The following SPIDR variants were observed in gnomAD, a reference collection of about 807,000 sequenced individuals.
SPIDR encodes the protein scaffold protein involved in DNA repair, also known as DNA repair-scaffolding protein.
SPIDR carries 93 observed loss-of-function variants against 104.6 expected under a neutral mutation model. The ratio of observed to expected loss-of-function variants is 0.89; its 90% CI spans 0.75 to 1.06. The LOEUF is 1.06. Among genes scored for constraint, SPIDR ranks in the 50% least tolerant of loss-of-function variants. The pLI is 0.00. For missense variants in SPIDR, 1,154 were observed against 1,111.2 expected (o/e 1.04, Z -0.55); for synonymous variants, 431 against 416.9 (o/e 1.03, Z -0.41).
chr8:47,408,313 C>CT (rs2063035540), intron 7 of SPIDR, among the ~76,000 whole-genome samples: 1 of 152,098 alleles, frequency 6.6e-6, no homozygotes, highest in African/African-American at 2.4e-5. Context: ...GTTGCCCAGG[C>CT]TGGAGTGTAG....
intron 8 of SPIDR, among the ~76,000 whole-genome samples, chr8:47,450,857 C>A (rs1389726070): frequency 1.3e-5 from 2 of 152,178 alleles, no homozygotes; most frequent in Admixed American, 6.5e-5. Flanking sequence ...TGAACACTTA[C>A]AGCAAATATT....
At chr8:47,365,225 C>T (rs1416583288) in intron 5 of SPIDR, among the ~76,000 whole-genome samples, 1 of 152,198 alleles carries the variant, frequency 6.6e-6, no homozygotes, top group Non-Finnish European at 1.5e-5. Flanking sequence ...TCCCTGGCCA[C>T]CTTCCACATT....
intron 3 of SPIDR, among the ~76,000 whole-genome samples, chr8:47,287,790 C>A (rs2039145937): frequency 6.6e-6 from 1 of 152,140 alleles, no homozygotes; most frequent in East Asian, 1.9e-4. Context: ...TGTTCAAACA[C>A]ACATTTTACA....
intron 7 of SPIDR, among the ~76,000 whole-genome samples, chr8:47,434,128 G>A (rs782195434): frequency 6.6e-6 from 1 of 152,186 alleles, no homozygotes; most frequent in Non-Finnish European, 1.5e-5. Context: ...ATATAGCATG[G>A]TAGTTTGGAG....
intron 10 of SPIDR, among the ~76,000 whole-genome samples, chr8:47,630,132 A>G (rs896552108): frequency 1.3e-5 from 2 of 152,248 alleles, no homozygotes; most frequent in Admixed American, 1.3e-4. Context: ...TGTCTCAAAT[A>G]TGTTAAATTA....
At chr8:47,341,481 T>C (rs1338335792) in intron 5 of SPIDR, among the ~76,000 whole-genome samples, 4 of 152,184 alleles carry the variant, frequency 2.6e-5, no homozygotes, top group African/African-American at 4.8e-5. Flanking sequence ...AACTAAAAAG[T>C]ATTCCACACA....
intron 8 of SPIDR, among the ~76,000 whole-genome samples, chr8:47,561,735 T>C (rs2057105686): frequency 6.6e-6 from 1 of 152,148 alleles, no homozygotes; most frequent in Non-Finnish European, 1.5e-5. Context: ...TTGTACCATC[T>C]CTCCCACTAG....
chr8:47,418,828 A>AG (rs1367828971), intron 7 of SPIDR, among the ~76,000 whole-genome samples: 2 of 152,142 alleles, frequency 1.3e-5, no homozygotes, highest in Non-Finnish European at 2.9e-5. Context: ...TCTAGCATGA[A>AG]GGTTGTTGAA....
chr8:47,481,684 G>A (rs2076918913), intron 8 of SPIDR, among the ~76,000 whole-genome samples: 1 of 152,148 alleles, frequency 6.6e-6, no homozygotes, highest in Admixed American at 6.5e-5. Context: ...GGAAAAAAAA[G>A]AACTTGGAGG....
At chr8:47,364,622 T>G (rs1473558484) in intron 5 of SPIDR, among the ~76,000 whole-genome samples, 6 of 152,202 alleles carry the variant, frequency 3.9e-5, no homozygotes, top group Admixed American at 3.3e-4. Flanking sequence ...TTGGAATATA[T>G]CCAATGTTCA....
chr8:47,532,093 T>C (rs576761316), intron 8 of SPIDR, among the ~76,000 whole-genome samples: 1 of 129,042 alleles, frequency 7.7e-6, no homozygotes, highest in South Asian at 2.6e-4. Context: ...TTTGAGACAG[T>C]GTTTGGTTAT....
At chr8:47,338,118 T>G (rs1554611032) in intron 5 of SPIDR, among the ~76,000 whole-genome samples, 1 of 152,224 alleles carries the variant, frequency 6.6e-6, no homozygotes, top group Non-Finnish European at 1.5e-5. Flanking sequence ...TCTGTACTCT[T>G]ATCCCCAGCC....
chr8:47,587,960 A>G (rs2060451442), intron 8 of SPIDR, among the ~76,000 whole-genome samples: 1 of 140,610 alleles, frequency 7.1e-6, no homozygotes, highest in Non-Finnish European at 1.5e-5. Flanking sequence ...CCTTTACTTC[A>G]TTCTTTTTCA....
At chr8:47,640,231 T>C (rs1378997095) in intron 10 of SPIDR, among the ~76,000 whole-genome samples, 1 of 152,218 alleles carries the variant, frequency 6.6e-6, no homozygotes, top group Admixed American at 6.5e-5. Context: ...TTATGCCTGC[T>C]GGCAGAAGTA....
intron 10 of SPIDR, among the ~76,000 whole-genome samples, chr8:47,618,542 T>TTATACACGAAGGAGATAAACAATTGTG (rs2064674808): frequency 6.6e-6 from 1 of 152,178 alleles, no homozygotes; most frequent in African/African-American, 2.4e-5. Flanking sequence ...TCAGTGCATA[T>TTATACACGAAGGAGATAAACAATTGTG]TATACACGAA....
At chr8:47,591,426 CTATTTATTTATTTATT>C (rs151285704) in intron 8 of SPIDR, among the ~76,000 whole-genome samples, 2 of 149,516 alleles carry the variant, frequency 1.3e-5, no homozygotes, top group Non-Finnish European at 3.0e-5. Context: ...CTTTCCCTCC[CTATTTATTTATTTATT>C]TATTTATTTA....
intron 16 of SPIDR, among the ~76,000 whole-genome samples, chr8:47,725,013 A>T (rs998571643): frequency 4.6e-5 from 7 of 152,112 alleles, no homozygotes; most frequent in East Asian, 1.9e-4. Context: ...ATCTCTGTGG[A>T]AAGAGGGGTG....
At chr8:47,383,232 C>T (rs1554646496) in intron 5 of SPIDR, among the ~76,000 whole-genome samples, 1 of 152,158 alleles carries the variant, frequency 6.6e-6, no homozygotes, top group Non-Finnish European at 1.5e-5. Context: ...TTTAAAACTC[C>T]AAATAGTATT....
intron 8 of SPIDR, among the ~76,000 whole-genome samples, chr8:47,564,143 A>G (rs2057464683): frequency 7.6e-6 from 1 of 130,776 alleles, no homozygotes; most frequent in Admixed American, 9.6e-5. Flanking sequence ...CAGTGGCACG[A>G]TCTCAGTTCA....
Sources: gnomAD v4.1 joint callset for allele counts (sites outside exome capture counted in the v4.1 genomes callset) on GRCh38, gnomAD v4.1.1 for gene constraint, MANE v1.5 for transcripts, NCBI Gene and HGNC (gene_info 2026-07-23, HGNC 2026-07-21) for gene names.